The following MED24 variants were observed in gnomAD, a reference collection of about 807,000 sequenced individuals.
MED24 encodes mediator of RNA polymerase II transcription subunit 24.
MED24 carries 74 observed loss-of-function variants against 118.8 expected under a neutral mutation model. The observed-to-expected ratio is 0.62, with a 90% CI of 0.52 to 0.76. MED24 has a LOEUF of 0.76. Among genes scored for constraint, MED24 ranks in the 30% least tolerant of loss-of-function variants. The pLI is 0.00. For synonymous variants in MED24, 521 were observed against 523.9 expected (o/e 0.99, Z 0.08); for missense variants, 1,041 against 1,278.9 (o/e 0.81, Z 2.84).
chr17:40,026,735 C>A lies in MED24; in HGVS notation c.1721G>T (p.Trp574Leu). ...SSEMKLVQMK[W>L]HEACLSISAA... ...TGAGATGCTGAGACAGGCCTCATGCCACTTCATCTGCCTGCGGGTGTGCAG... is the reference window on the plus strand; with the variant it reads ...TGAGATGCTGAGACAGGCCTCATGCAACTTCATCTGCCTGCGGGTGTGCAG... The change falls in exon 18 of 26, where the codon TGG becomes TTG. Residue 574 changes from tryptophan to leucine, a missense_variant. Trp to Leu is a moderately conservative substitution (Grantham distance 61). Coordinates refer to ENST00000394128, the MANE Select transcript of MED24 (RefSeq NM_014815.4). 6.2e-7 allele frequency: 1 copy of A among 1,611,996 alleles called. No homozygotes were observed. Among genetic ancestry groups the A allele is most frequent in the Non-Finnish European group, 8.5e-7 (1 of 1,179,090 alleles).
At chr17:40,026,358 TAC>T in intron 18 of MED24, 27 bp from the exon 19 acceptor site, 1 of 1,605,992 alleles carries the variant, frequency 6.2e-7, no homozygotes, top group Non-Finnish European at 8.5e-7. Context: ...GGTGATGGGC[TAC>T]CATCTATCTC....
intron 11 of MED24, 116 bp downstream of exon 11, chr17:40,031,422 C>T: frequency 7.7e-7 from 1 of 1,291,212 alleles, no homozygotes; most frequent in East Asian, 2.3e-5. Flanking sequence ...TTTCCTGCCC[C>T]TGCCAAGGGG....
At chr17:40,046,171 G>A (rs1385990460) in intron 3 of MED24, among the ~76,000 whole-genome samples, 101 of 146,826 alleles carry the variant, frequency 6.9e-4, no homozygotes, top group Non-Finnish European at 2.2e-4. Context: ...TGCAAGCTCC[G>A]CCTCCCGGGT....
intron 4 of MED24, 29 bp downstream of exon 4, chr17:40,036,087 A>G (rs750513999): frequency 1.2e-5 from 20 of 1,602,432 alleles, no homozygotes; most frequent in Middle Eastern, 1.7e-4. Context: ...GTCATCCCCA[A>G]TCTAGCTCCT....
At chr17:40,021,864 G>A in intron 23 of MED24, 91 bp downstream of exon 23, 1 of 954,584 alleles carries the variant, frequency 1.0e-6, no homozygotes, top group Non-Finnish European at 1.6e-6. Context: ...CAGCTGCAAA[G>A]ATGCCTGCAG....
chr17:40,035,368 A>C lies in MED24; in HGVS notation c.327-19T>G. 6.4e-7 allele frequency: 1 copy of C among 1,558,210 alleles called. No individual in the cohort carries two copies. Among genetic ancestry groups the C allele is most frequent in the Non-Finnish European group, 8.7e-7 (1 of 1,149,228 alleles). Reference sequence around the variant, plus strand: ...GTGACAGCTACAGGGAAGGATGCAAAATCAGACTCTGTTCTTCCAATGGCT... The same window carrying C: ...GTGACAGCTACAGGGAAGGATGCAACATCAGACTCTGTTCTTCCAATGGCT... On this transcript the variant is annotated intron_variant, in intron 5 of 25. Transcript: ENST00000394128.
chr17:40,034,658 G>C (rs1941613493), intron 6 of MED24, among the ~76,000 whole-genome samples: 2 of 152,194 alleles, frequency 1.3e-5, no homozygotes, highest in African/African-American at 4.8e-5. Context: ...TGTTAAAAGG[G>C]GCATTTTAGG....
rs993524612 is a variant in MED24, at chr17:40,025,969, C to T, written c.1985+187G>A. ...AACACAGCAGGTGCTGGCATATAAA[C>T]GCTTCTGCCACAGAGACACAGTACA... On this transcript the variant is annotated intron_variant, in intron 19 of 25. Transcript: ENST00000394128. Among the ~76,000 whole-genome samples, 6 of 152,098 alleles carry T rather than the reference C, an allele frequency of 3.9e-5. No individual in the cohort carries two copies. In the South Asian group the frequency reaches 8.3e-4, roughly 21 times the overall value.
intron 3 of MED24, among the ~76,000 whole-genome samples, chr17:40,042,951 G>T (rs1984710240): frequency 6.6e-6 from 1 of 152,118 alleles, no homozygotes; most frequent in Admixed American, 6.6e-5. Context: ...TATTACGTAT[G>T]TATGTATTTA....
At chr17:40,022,968 G>T in intron 20 of MED24, 142 bp from the exon 21 acceptor site, 3 of 1,343,350 alleles carry the variant, frequency 2.2e-6, no homozygotes, top group East Asian at 2.5e-5. Context: ...CTGAATCCCA[G>T]TCTCTGGCCA....
At chr17:40,053,850 G>A in intron 1 of MED24, 2 of 650,324 alleles carry the variant, frequency 3.1e-6, no homozygotes, top group Non-Finnish European at 5.2e-6. Flanking sequence ...GAAAGTATCG[G>A]CCGAGCGCAG....
intron 8 of MED24, 128 bp from the exon 9 acceptor site, chr17:40,032,890 C>G: frequency 3.0e-6 from 4 of 1,314,836 alleles, no homozygotes; most frequent in Middle Eastern, 3.7e-4. Flanking sequence ...TGCTGAGAAC[C>G]AGGGGAGTAA....
intron 3 of MED24, among the ~76,000 whole-genome samples, chr17:40,050,998 T>A (rs1985777259): frequency 6.6e-6 from 1 of 152,068 alleles, no homozygotes; most frequent in South Asian, 2.1e-4. Context: ...TAGCCGGGTG[T>A]AATGGCATTT....
At chr17:40,025,888 T>C (rs200856568) in intron 19 of MED24, among the ~76,000 whole-genome samples, 2 of 152,206 alleles carry the variant, frequency 1.3e-5, no homozygotes, top group South Asian at 2.1e-4. Flanking sequence ...TGGGAGCTAG[T>C]TGTCTAGAAC....
intron 9 of MED24, 127 bp from the exon 10 acceptor site, chr17:40,032,217 G>C (rs1983473706): frequency 4.5e-6 from 5 of 1,114,072 alleles, no homozygotes; most frequent in Non-Finnish European, 6.6e-6. Flanking sequence ...CTGGGAGTGA[G>C]AGCACACTTA....
intron 18 of MED24, 33 bp downstream of exon 18, chr17:40,026,612 CAG>C (rs1387712534): frequency 1.3e-6 from 2 of 1,563,918 alleles, no homozygotes; most frequent in African/African-American, 1.4e-5. Flanking sequence ...CTCTGTGTCT[CAG>C]GGGAGCAAAC....
rs944351751 is a variant in MED24 at position 40,037,635 on chromosome 17, G to A, written c.214-1481C>T. Reference sequence around the variant, plus strand: ...ATTAAAGTTAAATAAAATTTGGCCAGGTGTGGTGGCTCACGCCTGTAATCC... The same window carrying A: ...ATTAAAGTTAAATAAAATTTGGCCAAGTGTGGTGGCTCACGCCTGTAATCC... On this transcript the variant is annotated intron_variant, in intron 3 of 25. Transcript: ENST00000394128. Among the ~76,000 whole-genome samples the A allele has an allele frequency of 5.9e-5, 9 of 152,196 alleles. No individual in the cohort carries two copies. The East Asian group carries it at 1.5e-3, about 26-fold the overall frequency.
intron 3 of MED24, among the ~76,000 whole-genome samples, chr17:40,038,068 G>T (rs895396770): frequency 6.6e-6 from 1 of 152,128 alleles, no homozygotes; most frequent in Non-Finnish European, 1.5e-5. Flanking sequence ...GAAGACTGAC[G>T]ATAAAACAAA....
At chr17:40,022,865 C>T in intron 20 of MED24, 39 bp from the exon 21 acceptor site, 2 of 1,602,072 alleles carry the variant, frequency 1.2e-6, no homozygotes. Context: ...GAGCCAGGGG[C>T]CCGGGATCTG....
Sources: gnomAD v4.1 joint callset for allele counts (sites outside exome capture counted in the v4.1 genomes callset) on GRCh38, gnomAD v4.1.1 for gene constraint, MANE v1.5 for transcripts, NCBI Gene and HGNC (gene_info 2026-07-23, HGNC 2026-07-21) for gene names.